The following FRMPD4 variants were observed in gnomAD, a reference collection of about 807,000 sequenced individuals.
FRMPD4 encodes the protein FERM and PDZ domain-containing protein 4.
In FRMPD4, 22 loss-of-function variants were observed where a neutral mutation model predicts 94.1. That is an observed-to-expected ratio of 0.23 (90% CI 0.17 to 0.33). The LOEUF is 0.33. FRMPD4 is among the 10% of genes least tolerant of loss of function. The pLI is 1.00. For missense variants in FRMPD4, 1,111 were observed against 1,339.9 expected, an observed-to-expected ratio of 0.83 and a Z score of 2.67; for synonymous variants, 631 against 548.6, an observed-to-expected ratio of 1.15 and a Z score of -2.10.
chrX:12,078,406 G>T (rs2055037415), intron 3 of FRMPD4, among the ~76,000 whole-genome samples: 1 of 111,850 alleles, frequency 8.9e-6, no homozygotes, highest in African/African-American at 3.2e-5. Flanking sequence ...GTCACCTTGG[G>T]GTATGAAGAA....
intron 2 of FRMPD4, among the ~76,000 whole-genome samples, chrX:12,500,833 T>C (rs1337669891): frequency 1.8e-5 from 2 of 112,198 alleles, no homozygotes; most frequent in Non-Finnish European, 3.8e-5. Flanking sequence ...TTTTGTAACA[T>C]GGCTATGATT....
chrX:12,294,485 C>CACACACACACACACACACAGAG (rs34874624), intron 1 of FRMPD4, among the ~76,000 whole-genome samples: 5 of 92,078 alleles, frequency 5.4e-5, no homozygotes, highest in African/African-American at 2.0e-4. Flanking sequence ...CACACACACA[C>CACACACACACACACACACAGAG]AGAGAGAGAG....
chrX:12,672,612 C>T lies in FRMPD4; in HGVS notation c.423-2251C>T, dbSNP rs2059855551. On this transcript the variant is annotated intron_variant, in intron 4 of 16. Transcript: ENST00000675598. ...GGTTCCAAACTCTGGTTTTCAACAC[C>T]TTTGAAAATCTTGCGGCACCCTTCT... is the stretch of plus-strand genomic sequence containing the variant. Among the ~76,000 whole-genome samples, 3 of 111,615 alleles carry T rather than the reference C, an allele frequency of 2.7e-5. No homozygotes were observed. In the South Asian group the frequency reaches 1.1e-3, roughly 43 times the overall value.
chrX:11,957,789 C>T (rs2054264663), intron 3 of FRMPD4, among the ~76,000 whole-genome samples: 1 of 112,159 alleles, frequency 8.9e-6, no homozygotes, highest in Non-Finnish European at 1.9e-5. Flanking sequence ...GAAAATTGTG[C>T]TGTACACAAT....
chrX:12,158,083 A>G (rs1296062018), intron 1 of FRMPD4, among the ~76,000 whole-genome samples: 1 of 112,190 alleles, frequency 8.9e-6, no homozygotes, highest in African/African-American at 3.2e-5. Flanking sequence ...TGATATTATC[A>G]TTACCCAAAA....
At chrX:12,711,136 C>T (rs1432098166) in intron 14 of FRMPD4, among the ~76,000 whole-genome samples, 2 of 111,270 alleles carry the variant, frequency 1.8e-5, no homozygotes, top group Non-Finnish European at 3.8e-5. Context: ...GCTGGGTTTT[C>T]ATGGCCTTAC....
intron 1 of FRMPD4, among the ~76,000 whole-genome samples, chrX:12,234,845 A>T (rs188939720): frequency 8.9e-6 from 1 of 112,168 alleles, no homozygotes; most frequent in Admixed American, 9.4e-5. Context: ...GCTGGGGAGA[A>T]GACAGAGATC....
intron 3 of FRMPD4, among the ~76,000 whole-genome samples, chrX:12,084,388 T>G (rs956929506): frequency 1.8e-5 from 2 of 111,525 alleles, no homozygotes; most frequent in Non-Finnish European, 3.8e-5. Flanking sequence ...TAAGTCCGAT[T>G]AAACCTCTTT....
chrX:11,961,723 A>C (rs2054284535), intron 3 of FRMPD4, among the ~76,000 whole-genome samples: 1 of 110,943 alleles, frequency 9.0e-6, no homozygotes, highest in Non-Finnish European at 1.9e-5. Flanking sequence ...CCAACATCTC[A>C]ATAAGCCCCT....
chrX:12,358,510 TC>T (rs2055929869), intron 1 of FRMPD4, among the ~76,000 whole-genome samples: 1 of 111,593 alleles, frequency 9.0e-6, no homozygotes, highest in African/African-American at 3.3e-5. Flanking sequence ...CAGTAAATCC[TC>T]CTATATTGCC....
chrX:11,861,029 AAAG>A (rs1232237632), intron 1 of FRMPD4, among the ~76,000 whole-genome samples: 1 of 112,332 alleles, frequency 8.9e-6, no homozygotes, highest in Non-Finnish European at 1.9e-5. Flanking sequence ...AAATTTAAAT[AAAG>A]AAGTTAGTCT....
chrX:11,927,418 A>C (rs965220435), intron 3 of FRMPD4, among the ~76,000 whole-genome samples: 4 of 112,118 alleles, frequency 3.6e-5, no homozygotes, highest in Non-Finnish European at 5.6e-5. Context: ...ATGTGGAACC[A>C]AAAAGGAGCC....
chrX:11,932,084 A>C (rs897178995), intron 3 of FRMPD4, among the ~76,000 whole-genome samples: 1 of 112,032 alleles, frequency 8.9e-6, no homozygotes, highest in African/African-American at 3.2e-5. Flanking sequence ...TACAGAGTGC[A>C]TACATATACC....
intron 2 of FRMPD4, among the ~76,000 whole-genome samples, chrX:12,559,408 G>T (rs148454209): frequency 9.0e-6 from 1 of 111,516 alleles, no homozygotes; most frequent in African/African-American, 3.3e-5. Context: ...CCTGCACTTT[G>T]GGTGGTCAAG....
chrX:12,527,030 A>G (rs780282115), intron 2 of FRMPD4, among the ~76,000 whole-genome samples: 28 of 111,982 alleles, frequency 2.5e-4, no homozygotes, highest in Admixed American at 2.4e-3. Context: ...GCTGTATCCA[A>G]CCCAGTTTCA....
At chrX:12,053,613 T>C (rs763824073) in intron 3 of FRMPD4, among the ~76,000 whole-genome samples, 28 of 110,667 alleles carry the variant, frequency 2.5e-4, no homozygotes, top group African/African-American at 8.5e-4. Context: ...ACATCACATA[T>C]GAAAAAAAGG....
intron 1 of FRMPD4, among the ~76,000 whole-genome samples, chrX:12,472,098 C>T (rs2057521090): frequency 8.9e-6 from 1 of 111,823 alleles, no homozygotes; most frequent in South Asian, 3.8e-4. Flanking sequence ...AAATTAAGAC[C>T]CCTATATTGT....
chrX:12,615,854 T>C (rs1327655417), intron 4 of FRMPD4, among the ~76,000 whole-genome samples: 1 of 110,749 alleles, frequency 9.0e-6, no homozygotes, highest in Non-Finnish European at 1.9e-5. Flanking sequence ...ACCTAATACA[T>C]CTGTACTTTG....
intron 1 of FRMPD4, among the ~76,000 whole-genome samples, chrX:12,287,792 A>G (rs1290656677): frequency 8.9e-6 from 1 of 112,258 alleles, no homozygotes; most frequent in Non-Finnish European, 1.9e-5. Context: ...TTACTACTCA[A>G]TAATGATAAA....
Sources: gnomAD v4.1 joint callset for allele counts (sites outside exome capture counted in the v4.1 genomes callset) on GRCh38, gnomAD v4.1.1 for gene constraint, MANE v1.5 for transcripts, NCBI Gene and HGNC (gene_info 2026-07-23, HGNC 2026-07-21) for gene names.